NAALADL2: variants seen among roughly 807,000 people sequenced by gnomAD.
NAALADL2 encodes inactive N-acetylated-alpha-linked acidic dipeptidase-like protein 2.
A neutral mutation model predicts 87.2 loss-of-function variants in NAALADL2; 76 were observed. That is an observed-to-expected ratio of 0.87 (90% confidence interval 0.72 to 1.05). The LOEUF (loss-of-function observed/expected upper bound fraction) is 1.05, where lower values mean the gene tolerates loss of function less well. NAALADL2 is among the 50% of genes least tolerant of loss of function. The pLI is 0.00. For synonymous variants in NAALADL2, 354 were observed against 331.0 expected (o/e 1.07, Z -0.75); for missense variants, 1,089 against 945.8 (o/e 1.15, Z -1.99).
chr3:174,473,226 A>T (rs1389321266), intron 1 of NAALADL2, among the ~76,000 whole-genome samples: 1 of 152,068 alleles, frequency 6.6e-6, no homozygotes, highest in Admixed American at 6.6e-5. Context: ...CTCCCTGCCA[A>T]CCTGGATCAA....
chr3:174,860,471 A>T (rs1370003723), intron 1 of NAALADL2, among the ~76,000 whole-genome samples: 2 of 152,102 alleles, frequency 1.3e-5, no homozygotes, highest in Non-Finnish European at 2.9e-5. Context: ...CATAATGAGA[A>T]TCATTTATTT....
intron 9 of NAALADL2, among the ~76,000 whole-genome samples, chr3:175,540,557 T>C (rs1375331424): frequency 1.3e-5 from 2 of 151,976 alleles, no homozygotes; most frequent in East Asian, 1.9e-4. Context: ...TTAAAGGTCA[T>C]TGGTTGCTGG....
rs74953977 is a variant in NAALADL2 at position 174,850,681 on chromosome 3, A to G, written c.-9+112935A>G. The stretch of plus-strand genomic sequence containing the variant: ...TACAATAATAGCTGTGGACTTCAAC[A>G]CACCATTTTCAGCACTGGACATATC... On this transcript the variant is annotated intron_variant, in intron 3 of 3. Transcript: ENST00000434257. Among the ~76,000 whole-genome samples, 869 of 152,284 alleles carry G rather than the reference A, an allele frequency of 5.7e-3. 9 individuals are homozygous for G. Among genetic ancestry groups the G allele is most frequent in the African/African-American group, 0.02 (830 of 41,574 alleles).
intron 1 of NAALADL2, among the ~76,000 whole-genome samples, chr3:174,872,192 TATG>T (rs1188700785): frequency 2.6e-5 from 4 of 152,136 alleles, no homozygotes; most frequent in African/African-American, 4.8e-5. Flanking sequence ...TGATGCTGAT[TATG>T]ATGATAAGAG....
At chr3:175,363,894 C>G (rs1581588415) in intron 5 of NAALADL2, among the ~76,000 whole-genome samples, 1 of 147,966 alleles carries the variant, frequency 6.8e-6, no homozygotes, top group African/African-American at 2.4e-5. Context: ...ATTGAACTAT[C>G]CTGTGTATTA....
At chr3:175,376,759 G>T (rs1188577173) in intron 5 of NAALADL2, among the ~76,000 whole-genome samples, 1 of 152,090 alleles carries the variant, frequency 6.6e-6, no homozygotes, top group Non-Finnish European at 1.5e-5. Context: ...TGGATAGCTT[G>T]CTATTATCCC....
chr3:175,024,755 A>G (rs969738206), intron 1 of NAALADL2, among the ~76,000 whole-genome samples: 1 of 152,208 alleles, frequency 6.6e-6, no homozygotes, highest in Non-Finnish European at 1.5e-5. Context: ...AGCTGAAGAC[A>G]AATTGACAAA....
chr3:175,445,499 C>T (rs903365078), intron 5 of NAALADL2, among the ~76,000 whole-genome samples: 2 of 151,992 alleles, frequency 1.3e-5, no homozygotes, highest in African/African-American at 4.8e-5. Flanking sequence ...TCCTTCTGCT[C>T]GGTTATGTGT....
At chr3:174,478,413 T>A (rs978207482) in intron 1 of NAALADL2, among the ~76,000 whole-genome samples, 8 of 152,124 alleles carry the variant, frequency 5.3e-5, no homozygotes, top group Non-Finnish European at 1.2e-4. Flanking sequence ...GCTATTTATA[T>A]GCATGATGTA....
intron 1 of NAALADL2, among the ~76,000 whole-genome samples, chr3:174,996,993 GGTGTGT>G (rs34590643): frequency 0.043 from 5,223 of 121,450 alleles, 160 homozygotes; most frequent in African/African-American, 0.099. Context: ...TATTCCAAGG[GGTGTGT>G]GTGTGTGTGT....
intron 2 of NAALADL2, among the ~76,000 whole-genome samples, chr3:174,562,744 G>C (rs1713779014): frequency 6.6e-6 from 1 of 151,682 alleles, no homozygotes; most frequent in Admixed American, 6.6e-5. Flanking sequence ...TTGGCATCTT[G>C]TGATGCCAAA....
chr3:174,673,721 G>A (rs895554649), intron 2 of NAALADL2, among the ~76,000 whole-genome samples: 3 of 151,758 alleles, frequency 2.0e-5, no homozygotes, highest in African/African-American at 7.3e-5. Context: ...GAAGGAATAA[G>A]TTACAGCATT....
At chr3:175,134,002 C>T (rs920351186) in intron 2 of NAALADL2, among the ~76,000 whole-genome samples, 1 of 152,182 alleles carries the variant, frequency 6.6e-6, no homozygotes, top group Non-Finnish European at 1.5e-5. Context: ...AGATAATCAT[C>T]TATCTGGCCT....
At chr3:175,788,300 C>T (rs1752357323) in intron 13 of NAALADL2, among the ~76,000 whole-genome samples, 1 of 151,918 alleles carries the variant, frequency 6.6e-6, no homozygotes, top group African/African-American at 2.4e-5. Flanking sequence ...TCATGTTGCC[C>T]AGGCTGGTCT....
chr3:174,837,028 A>C (rs1207495779), intron 3 of NAALADL2, among the ~76,000 whole-genome samples: 1 of 152,162 alleles, frequency 6.6e-6, no homozygotes, highest in African/African-American at 2.4e-5. Context: ...TCATAGCCCT[A>C]AATGCCTACA....
intron 2 of NAALADL2, among the ~76,000 whole-genome samples, chr3:175,117,422 A>G (rs1725425053): frequency 1.3e-5 from 2 of 152,110 alleles, no homozygotes; most frequent in South Asian, 2.1e-4. Context: ...ACCAGAAAAA[A>G]TCAAACAACC....
At chr3:175,628,839 C>T (rs1336067713) in intron 11 of NAALADL2, among the ~76,000 whole-genome samples, 2 of 150,002 alleles carry the variant, frequency 1.3e-5, no homozygotes, top group Admixed American at 1.3e-4. Flanking sequence ...CTGTCTTTGA[C>T]CCTGAAGAGC....
intron 9 of NAALADL2, 117 bp from the exon 10 acceptor site, chr3:175,575,924 A>G: frequency 1.2e-6 from 1 of 815,442 alleles, no homozygotes; most frequent in Non-Finnish European, 1.9e-6. Context: ...TGCATTTTTA[A>G]CAGTCTCCAG....
intron 2 of NAALADL2, among the ~76,000 whole-genome samples, chr3:175,232,157 A>G (rs1745036507): frequency 6.6e-6 from 1 of 151,454 alleles, no homozygotes; most frequent in Non-Finnish European, 1.5e-5. Context: ...GAGGAAGAAG[A>G]AGGGGGAGGA....
Sources: gnomAD v4.1 joint callset for allele counts (sites outside exome capture counted in the v4.1 genomes callset) on GRCh38, gnomAD v4.1.1 for gene constraint, MANE v1.5 for transcripts, NCBI Gene and HGNC (gene_info 2026-07-23, HGNC 2026-07-21) for gene names.